Variants in RIF1 observed in about 807,000 individuals in gnomAD.
RIF1 encodes the protein replication timing regulatory factor 1.
Under a neutral mutation model 247.1 loss-of-function variants are expected in RIF1, and 45 were observed. The ratio of observed to expected loss-of-function variants is 0.18; its 90% CI spans 0.14 to 0.23. The LOEUF (loss-of-function observed/expected upper bound fraction) is 0.23, where lower values mean the gene tolerates loss of function less well. RIF1 is among the 10% of genes least tolerant of loss of function. The pLI, the probability that RIF1 is intolerant of heterozygous loss-of-function variation, is 1.00. For synonymous variants in RIF1, 1,087 were observed against 978.8 expected (o/e 1.11, Z -2.06); for missense variants, 2,967 against 2,862.5 (o/e 1.04, Z -0.83).
At chr2:151,418,889 T>C (rs1440973873) in intron 6 of RIF1, among the ~76,000 whole-genome samples, 2 of 150,648 alleles carry the variant, frequency 1.3e-5, no homozygotes, top group Non-Finnish European at 3.0e-5. Context: ...AAAAAAAGAA[T>C]ACTTAGCTTA....
At chr2:151,513,232 C>T in the RIF1 span, among the ~76,000 whole-genome samples, 2 of 152,236 alleles carry the variant, frequency 1.3e-5, no homozygotes, top group Admixed American at 1.3e-4. Flanking sequence ...AGGAAGAACT[C>T]CCAAGATATT....
chr2:151,463,296 C>G lies in RIF1; in HGVS notation c.3776C>G (p.Thr1259Arg). 6.2e-7 allele frequency: 1 copy of G among 1,612,620 alleles called. No homozygotes were observed. Among genetic ancestry groups the G allele is most frequent in the Non-Finnish European group, 8.5e-7 (1 of 1,179,620 alleles). The change falls in exon 30 of 36, where the codon ACA becomes AGA. Residue 1259 changes from threonine (T) to arginine (R), a missense_variant. Around this residue, in one of 7 missense-constraint regions of RIF1, gnomAD observed 2,028 missense variants for 1,825.6 expected, o/e 1.11. Coordinates refer to ENST00000444746, the MANE Select transcript of RIF1 (RefSeq NM_018151.5). ...AATAACCAGGAAACCATGATTAAAACAGATTTTCTACCAAAAGCAAAGCAA... is the reference window on the plus strand; with the variant it reads ...AATAACCAGGAAACCATGATTAAAAGAGATTTTCTACCAAAAGCAAAGCAA... The part of the protein sequence containing the change: ...VKNNQETMIK[T>R]DFLPKAKQRE...
chr2:151,516,459 C>A, the RIF1 span: 3 of 1,603,908 alleles, frequency 1.9e-6, no homozygotes, highest in Non-Finnish European at 8.5e-7. Context: ...TTTGACTTAC[C>A]CCACTCTGCA....
At chr2:151,462,572 A>C in intron 29 of RIF1, 106 bp downstream of exon 29, 1 of 733,776 alleles carries the variant, frequency 1.4e-6, no homozygotes, top group Non-Finnish European at 2.2e-6. Context: ...TAATTTTAAA[A>C]TTTATTGTAG....
chr2:151,410,358 C>T, intron 1 of RIF1, 56 bp from the exon 2 acceptor site: 1 of 1,440,284 alleles, frequency 6.9e-7, no homozygotes, highest in Admixed American at 1.9e-5. Context: ...ACTGGGCCGC[C>T]GCGGGGCTGT....
chr2:151,513,533 GT>G, the RIF1 span: 4 of 1,396,286 alleles, frequency 2.9e-6, no homozygotes, highest in Admixed American at 7.9e-5. Flanking sequence ...TGTCCTTAAA[GT>G]TACAACTACT....
chr2:151,485,258 A>T (rs573000702), downstream of RIF1: 12 of 152,386 alleles, frequency 7.9e-5, no homozygotes, highest in African/African-American at 2.4e-4. Context: ...TAGTAATTTT[A>T]TGTACAATTT....
Position 151,459,629 on chromosome 2 carries a change from T to TTA in RIF1, c.2956-369_2956-368dup, listed in dbSNP as rs561155033. 5.4e-4 allele frequency among the ~76,000 whole-genome samples: 83 copies of TTA among 152,354 alleles called. 1 individual carries two copies. Among genetic ancestry groups the TTA allele is most frequent in the African/African-American group, 1.7e-3 (72 of 41,594 alleles). ...GGAAATATGCTCTGTCATACATGCT[T>TTA]TATTAACCCTCAGTTGTTTAATGTT... On this transcript the variant is annotated intron_variant, in intron 25 of 35. Transcript: ENST00000444746.
At chr2:151,518,463 C>G in the RIF1 span, 1 of 1,233,010 alleles carries the variant, frequency 8.1e-7, no homozygotes, top group East Asian at 2.3e-5. Flanking sequence ...GATGGAGAAG[C>G]TGCTCAGCAT....
chr2:151,502,593 ATAAATAT>A (rs1011866627), intron 11 of RIF1, among the ~76,000 whole-genome samples: 20 of 152,160 alleles, frequency 1.3e-4, no homozygotes, highest in Non-Finnish European at 2.1e-4. Context: ...AAAGAAAGTG[ATAAATAT>A]CTATGTTTTA....
At chr2:151,435,671 G>T in intron 11 of RIF1, 91 bp downstream of exon 11, 1 of 675,868 alleles carries the variant, frequency 1.5e-6, no homozygotes, top group South Asian at 2.1e-5. Context: ...AAAAGGCTTT[G>T]AGAGGTTTTG....
In RIF1 at chr2:151,505,491, T is replaced by C; in HGVS notation, c.*862-719T>C. 7 of 1,613,798 alleles carry C rather than the reference T, an allele frequency of 4.3e-6. No homozygotes were observed. Among genetic ancestry groups the C allele is most frequent in the Non-Finnish European group, 5.9e-6 (7 of 1,179,728 alleles). ...TATGGCCACTACCGAGCTAATGTGC[T>C]TCTGCGTCTCCTTCACACGTTTCAC... On this transcript the variant is annotated intron_variant and NMD_transcript_variant, in intron 12 of 13. Transcript: ENST00000454583.
rs1696619275 is a variant in RIF1, at chr2:151,464,434, T to A, written c.4914T>A (p.Asp1638Glu). 5.6e-6 allele frequency: 9 copies of A among 1,613,582 alleles called. No homozygotes were observed. The highest frequency in any genetic ancestry group is 7.6e-6 in the Non-Finnish European group (9 of 1,179,848). ...VICQDSTVTSDLLQVPDDLPN... is the reference protein window; with the variant it reads ...VICQDSTVTSELLQVPDDLPN... Reference sequence around the variant, plus strand: ...GTCAGGATTCTACAGTAACTTCAGATTTGTTGCAAGTTCCTGATGATTTAC... The same window carrying A: ...GTCAGGATTCTACAGTAACTTCAGAATTGTTGCAAGTTCCTGATGATTTAC... The change falls in exon 30 of 36, where the codon GAT becomes GAA. Residue 1638 changes from aspartate (D) to glutamate (E), a missense_variant. Physicochemically the swap from Asp to Glu is conservative, Grantham distance 45 (BLOSUM62 2). Coordinates refer to ENST00000444746, the MANE Select transcript of RIF1 (RefSeq NM_018151.5).
intron 6 of RIF1, among the ~76,000 whole-genome samples, chr2:151,419,660 T>C (rs1344892481): frequency 6.6e-6 from 1 of 152,188 alleles, no homozygotes; most frequent in Non-Finnish European, 1.5e-5. Context: ...TACAGTATTA[T>C]GTTCTATATG....
exon 11 of RIF1, chr2:151,499,500 A>G: frequency 3.1e-6 from 2 of 655,456 alleles, no homozygotes; most frequent in Non-Finnish European, 2.7e-6. Context: ...CAGAAAAGAC[A>G]GATTCAACAA....
At chr2:151,514,146 A>C in the RIF1 span, among the ~76,000 whole-genome samples, 3 of 152,226 alleles carry the variant, frequency 2.0e-5, no homozygotes, top group Non-Finnish European at 4.4e-5. Context: ...ATTCATCAGA[A>C]ATTGAGGTAT....
chr2:151,508,486 CTG>C (rs1414918085), downstream of RIF1, among the ~76,000 whole-genome samples: 2 of 152,226 alleles, frequency 1.3e-5, no homozygotes, highest in African/African-American at 2.4e-5. Flanking sequence ...TGTAGCCAGA[CTG>C]TTCAACAGGC....
intron 8 of RIF1, among the ~76,000 whole-genome samples, chr2:151,424,886 C>A (rs1031178632): frequency 8.1e-6 from 1 of 124,050 alleles, no homozygotes; most frequent in Non-Finnish European, 1.6e-5. Flanking sequence ...TGGGTTTTGC[C>A]GTGCTGCTCA....
Position 151,461,171 on chromosome 2 carries a change from G to C in RIF1, c.3109G>C (p.Gly1037Arg). Residue 1037 changes from glycine to arginine, a missense_variant, in exon 27 of 36, where the codon GGT becomes CGT. Gly to Arg is a moderately radical substitution (Grantham distance 125, BLOSUM62 -2). Transcript: ENST00000444746. ...KLESSSLKVK[G>R]EILLEEEKST... Reference sequence around the variant, plus strand: ...TGAATCTTCGTCTTTAAAAGTAAAGGGTGAAATTCTTTTGGAAGAGGAAAA... The same window carrying C: ...TGAATCTTCGTCTTTAAAAGTAAAGCGTGAAATTCTTTTGGAAGAGGAAAA... 1 of 1,612,462 alleles carries C rather than the reference G, an allele frequency of 6.2e-7. No individual in the cohort carries two copies. The highest frequency in any genetic ancestry group is 8.5e-7 in the Non-Finnish European group (1 of 1,179,552).
Sources: gnomAD v4.1 joint callset for allele counts (sites outside exome capture counted in the v4.1 genomes callset) on GRCh38, gnomAD v4.1.1 for gene constraint, gnomAD v4.1.1 regional missense constraint, MANE v1.5 for transcripts, NCBI Gene and HGNC (gene_info 2026-07-23, HGNC 2026-07-21) for gene names.